Variants in HEATR5A observed in about 807,000 individuals in gnomAD.
HEATR5A encodes the protein HEAT repeat containing 5A.
A neutral mutation model predicts 218.8 loss-of-function variants in HEATR5A; 178 were observed. The ratio of observed to expected loss-of-function variants is 0.81; its 90% CI spans 0.72 to 0.92. The LOEUF (loss-of-function observed/expected upper bound fraction) is 0.92. HEATR5A is among the 40% of genes least tolerant of loss of function. The probability of loss-of-function intolerance (pLI) is 0.00; values close to 1 mark genes in which losing one functional copy is unlikely to be tolerated. For missense variants in HEATR5A, 2,420 were observed against 2,418.9 expected, an observed-to-expected ratio of 1.00 and a Z score of -0.01; for synonymous variants, 864 against 871.6, an observed-to-expected ratio of 0.99 and a Z score of 0.15.
intron 21 of HEATR5A, among the ~76,000 whole-genome samples, chr14:31,343,591 T>C (rs1900914052): frequency 6.6e-6 from 1 of 152,242 alleles, no homozygotes; most frequent in Non-Finnish European, 1.5e-5. Context: ...GAGTTTTGCA[T>C]GTCCTACAGC....
rs746139760 is a variant in HEATR5A, at chr14:31,326,262, C to A, written c.3448G>T (p.Asp1150Tyr). Reference protein sequence around the residue: ...DKETDERLCHDIKETLNYMLT... With the variant: ...DKETDERLCHYIKETLNYMLT... ...ATATAATTTAAAGTCTCTTTGATATCATGGCATAATCTCTCATCTGTCTCC... is the reference window on the plus strand; with the variant it reads ...ATATAATTTAAAGTCTCTTTGATATAATGGCATAATCTCTCATCTGTCTCC... The change falls in exon 23 of 36, where the codon GAT becomes TAT. Residue 1150 changes from aspartate to tyrosine, a missense_variant. Transcript: ENST00000543095. The A allele has an allele frequency of 3.7e-5, 59 of 1,612,902 alleles. No homozygotes were observed. In the Middle Eastern group the frequency reaches 6.6e-4, roughly 18 times the overall value.
intron 10 of HEATR5A, among the ~76,000 whole-genome samples, chr14:31,381,345 T>C (rs1396564857): frequency 6.6e-6 from 1 of 151,994 alleles, no homozygotes; most frequent in African/African-American, 2.4e-5. Flanking sequence ...GTAGTCAAAA[T>C]AGTCTCATAC....
intron 11 of HEATR5A, among the ~76,000 whole-genome samples, chr14:31,378,220 T>C (rs2029867617): frequency 6.6e-6 from 1 of 152,194 alleles, no homozygotes; most frequent in Admixed American, 6.5e-5. Flanking sequence ...AGCCACATAC[T>C]TCCTGTTGCA....
chr14:31,296,262 A>G (rs951630521), intron 33 of HEATR5A, 199 bp from the exon 34 acceptor site: 3 of 473,482 alleles, frequency 6.3e-6, no homozygotes, highest in Non-Finnish European at 1.1e-5. Flanking sequence ...CAAAGTAATT[A>G]TAATCTTTAA....
intron 16 of HEATR5A, among the ~76,000 whole-genome samples, chr14:31,357,096 C>T (rs753568336): frequency 2.0e-5 from 3 of 152,206 alleles, no homozygotes; most frequent in Non-Finnish European, 4.4e-5. Context: ...TAATTTTCCT[C>T]TTCATTCATT....
chr14:31,293,123 C>T lies in HEATR5A; in HGVS notation c.*182G>A. 2.1e-6 allele frequency: 1 copy of T among 469,354 alleles called. No homozygotes were observed. The highest frequency in any genetic ancestry group is 3.7e-6 in the Non-Finnish European group (1 of 270,708). The allele number at this position is 469,354 out of a possible 1,614,324, so 29.1% of individuals were successfully genotyped here. The stretch of plus-strand genomic sequence containing the variant: ...TAGAAAAACAAAACAAAACAAAACA[C>T]AAACCCCACGCACACACACAAAAAT... On this transcript the variant is annotated 3_prime_UTR_variant, in exon 36 of 36. Transcript: ENST00000543095.
rs544679245 is a variant in HEATR5A at position 31,306,858 on chromosome 14, T to C, written c.4840A>G (p.Asn1614Asp). Residue 1614 changes from asparagine to aspartate, a missense_variant, in exon 31 of 36, where the codon AAT becomes GAT. Asn to Asp is a conservative substitution (Grantham distance 23). Coordinates refer to ENST00000543095, the MANE Select transcript of HEATR5A (RefSeq NM_015473.4). ...SDQDLGIELL[N>D]VLHRVILTRE... ...GTTAAAATTACTCGATGTAGAACAT[T>C]CAGCAATTCTATACCCAAGTCCTAT... The C allele has an allele frequency of 4.3e-6, 7 of 1,611,932 alleles. No individual in the cohort carries two copies. In the South Asian group the frequency reaches 7.7e-5, roughly 18 times the overall value.
intron 22 of HEATR5A, among the ~76,000 whole-genome samples, chr14:31,336,751 T>C (rs1900684734): frequency 1.3e-5 from 2 of 152,186 alleles, no homozygotes; most frequent in Admixed American, 6.5e-5. Flanking sequence ...GCTAATCCCA[T>C]TTCATTTGAC....
intron 27 of HEATR5A, among the ~76,000 whole-genome samples, chr14:31,313,544 A>T (rs1329541507): frequency 6.6e-6 from 1 of 152,194 alleles, no homozygotes; most frequent in African/African-American, 2.4e-5. Flanking sequence ...CTTAACTGAA[A>T]TACTGAATAT....
At chr14:31,297,913 A>G (rs549870542) in intron 33 of HEATR5A, among the ~76,000 whole-genome samples, 2 of 152,318 alleles carry the variant, frequency 1.3e-5, no homozygotes, top group South Asian at 4.1e-4. Context: ...CTTACAGCAA[A>G]GTTATTTTTA....
At chr14:31,310,915 G>A (rs535949881) in intron 28 of HEATR5A, among the ~76,000 whole-genome samples, 2 of 152,186 alleles carry the variant, frequency 1.3e-5, no homozygotes, top group Admixed American at 6.5e-5. Context: ...TTAGGAGGGT[G>A]AGGTGGCAGG....
intron 22 of HEATR5A, among the ~76,000 whole-genome samples, chr14:31,329,000 A>C (rs932179027): frequency 6.6e-6 from 1 of 152,242 alleles, no homozygotes; most frequent in East Asian, 1.9e-4. Flanking sequence ...ACATGGCAGC[A>C]AGCAAAAGAG....
intron 14 of HEATR5A, among the ~76,000 whole-genome samples, chr14:31,363,492 T>G (rs1254794941): frequency 6.6e-6 from 1 of 152,180 alleles, no homozygotes; most frequent in East Asian, 1.9e-4. Flanking sequence ...CAGCACAGCA[T>G]GAGGCAAACT....
chr14:31,295,886 T>C (rs1899174418), intron 34 of HEATR5A, 23 bp downstream of exon 34: 3 of 1,607,020 alleles, frequency 1.9e-6, no homozygotes, highest in Non-Finnish European at 2.6e-6. Context: ...ATTACATACA[T>C]CTTTCTGCTA....
At chr14:31,389,865 A>G (rs187709750) in intron 6 of HEATR5A, among the ~76,000 whole-genome samples, 1 of 152,318 alleles carries the variant, frequency 6.6e-6, no homozygotes, top group East Asian at 1.9e-4. Context: ...TCTGTGGATC[A>G]TAAATTCTAA....
chr14:31,375,411 G>C (rs947175594), intron 11 of HEATR5A, among the ~76,000 whole-genome samples: 1 of 152,114 alleles, frequency 6.6e-6, no homozygotes. Flanking sequence ...TTTTGAGACA[G>C]GTTCTTTCTC....
chr14:31,374,983 A>AGTT lies in HEATR5A; in HGVS notation c.1709-16_1709-15insAAC. ...AACTGCAGGACCTGTAATTTATTCA[A>AGTT]CTTGTCACTTGTAAGAGAATCCAAG... On this transcript the variant is annotated splice_polypyrimidine_tract_variant and intron_variant, in intron 11 of 35. Transcript: ENST00000543095. The AGTT allele has an allele frequency of 3.8e-6, 6 of 1,583,124 alleles. No individual in the cohort carries two copies. The highest frequency in any genetic ancestry group is 5.1e-6 in the Non-Finnish European group (6 of 1,165,710).
At chr14:31,365,738 C>T (rs945062756) in intron 13 of HEATR5A, among the ~76,000 whole-genome samples, 2 of 151,828 alleles carry the variant, frequency 1.3e-5, no homozygotes, top group Admixed American at 6.6e-5. Flanking sequence ...GATCTCAGCT[C>T]ACTGCAGCCT....
intron 12 of HEATR5A, among the ~76,000 whole-genome samples, chr14:31,372,875 G>GCTCTCTCTCTCCCTCT (rs1170284379): frequency 3.3e-5 from 5 of 150,176 alleles, no homozygotes; most frequent in Non-Finnish European, 5.9e-5. Flanking sequence ...TCTCTCTTTC[G>GCTCTCTCTCTCCCTCT]CTCTCTCTCT....
Sources: allele counts gnomAD v4.1 joint callset (sites outside exome capture counted in the v4.1 genomes callset), GRCh38; gene constraint gnomAD v4.1.1; transcripts MANE v1.5; gene names NCBI Gene and HGNC (gene_info 2026-07-23, HGNC 2026-07-21).